SS18L1: variants seen among roughly 807,000 people sequenced by gnomAD.
SS18L1 encodes SS18L1 subunit of BAF chromatin remodeling complex, also known as calcium-responsive transactivator.
SS18L1 carries 32 observed loss-of-function variants against 70.3 expected under a neutral mutation model. The ratio of observed to expected loss-of-function variants is 0.46; its 90% CI spans 0.34 to 0.61. The LOEUF (loss-of-function observed/expected upper bound fraction) is 0.61, where lower values mean the gene tolerates loss of function less well. Ranked by LOEUF, SS18L1 falls within the 20% of genes least tolerant of loss-of-function variation. The pLI, the probability that SS18L1 is intolerant of heterozygous loss-of-function variation, is 0.01. For missense variants in SS18L1, 430 were observed against 542.1 expected, an observed-to-expected ratio of 0.79 and a Z score of 2.05; for synonymous variants, 237 against 229.7, an observed-to-expected ratio of 1.03 and a Z score of -0.29.
At chr20:62,178,343 G>C (rs1193504136) in intron 10 of SS18L1, among the ~76,000 whole-genome samples, 1 of 151,254 alleles carries the variant, frequency 6.6e-6, no homozygotes, top group Non-Finnish European at 1.5e-5. Flanking sequence ...AGTAGAGATG[G>C]GGTTTCACCA....
At chr20:62,154,121 C>T (rs945874165) in intron 1 of SS18L1, among the ~76,000 whole-genome samples, 5 of 152,176 alleles carry the variant, frequency 3.3e-5, no homozygotes, top group Admixed American at 2.6e-4. Context: ...GGGGAGCTGA[C>T]ATGGCAGCAG....
rs2057259123 is a variant in SS18L1 at position 62,158,262 on chromosome 20, T to G, written c.70-410T>G. Among the ~76,000 whole-genome samples, 1 of 152,076 alleles carries G rather than the reference T, an allele frequency of 6.6e-6. No individual in the cohort carries two copies. The highest frequency in any genetic ancestry group is 1.9e-4 in the East Asian group (1 of 5,170). On this transcript the variant is annotated intron_variant, in intron 1 of 10. Coordinates refer to ENST00000331758, the MANE Select transcript of SS18L1 (RefSeq NM_198935.3). This position sits in a 1 kb window ranked among gnomAD's most constrained non-coding sequence, Gnocchi z 4.5. ...GGCCTCTGTGTTTTCATTTGTGGGC[T>G]TAGATGGCCCTGCCGCTTACGGATG... is the stretch of plus-strand genomic sequence containing the variant.
intron 3 of SS18L1, 83 bp downstream of exon 3, chr20:62,160,044 TCAGG>T: frequency 7.2e-7 from 1 of 1,383,636 alleles, no homozygotes; most frequent in Non-Finnish European, 9.9e-7. Context: ...GCATGTCATC[TCAGG>T]TAGCAAAGAT....
intron 1 of SS18L1, among the ~76,000 whole-genome samples, chr20:62,150,548 A>G (rs1031038058): frequency 9.4e-5 from 14 of 148,982 alleles, no homozygotes; most frequent in African/African-American, 3.4e-4. Flanking sequence ...GACGGGGAAC[A>G]ATTTCAATGT....
In SS18L1 at chr20:62,150,633, A is replaced by ATTTTTTTTTTTTTTTT. The variant is rs34708339; in HGVS notation, c.69+6766_69+6781dup. 2.6e-4 allele frequency among the ~76,000 whole-genome samples: 15 copies of ATTTTTTTTTTTTTTTT among 58,054 alleles called. 4 individuals carry two copies. Among genetic ancestry groups the ATTTTTTTTTTTTTTTT allele is most frequent in the Admixed American group, 4.5e-4 (2 of 4,458 alleles). 38.1% of individuals were successfully genotyped at this position (58,054 alleles called of 152,430 possible). A position where few individuals can be genotyped will look rare whatever the true frequency, so the allele number is the denominator to read the frequency against. ...CGGAGCATAAGAAACATTGAGGTGG[A>ATTTTTTTTTTTTTTTT]TTTTTTTTTTTTTTTTTTTTTTTTT... On this transcript the variant is annotated intron_variant, in intron 1 of 10. Coordinates refer to ENST00000331758, the MANE Select transcript of SS18L1 (RefSeq NM_198935.3).
At chr20:62,152,832 G>GA (rs1463505556) in intron 1 of SS18L1, among the ~76,000 whole-genome samples, 1 of 152,100 alleles carries the variant, frequency 6.6e-6, no homozygotes, top group African/African-American at 2.4e-5. Context: ...AAGAAACTAC[G>GA]AATCGACAAC....
intron 1 of SS18L1, among the ~76,000 whole-genome samples, chr20:62,153,130 G>A (rs1210304763): frequency 1.3e-5 from 2 of 152,212 alleles, no homozygotes; most frequent in Admixed American, 1.3e-4. Flanking sequence ...CAAGGCGGCA[G>A]GAAGGAGAAG....
At chr20:62,171,313 A>C (rs953041579) in intron 8 of SS18L1, among the ~76,000 whole-genome samples, 4 of 152,202 alleles carry the variant, frequency 2.6e-5, no homozygotes, top group African/African-American at 9.7e-5. Flanking sequence ...CCCATGTCTC[A>C]GATGGCTTTC....
chr20:62,172,885 C>T, intron 9 of SS18L1, 84 bp downstream of exon 9: 1 of 1,574,286 alleles, frequency 6.4e-7, no homozygotes, highest in Non-Finnish European at 8.6e-7. Flanking sequence ...GTACCCCAGC[C>T]AGCAGAGCTA....
chr20:62,148,565 A>C (rs909049216), intron 1 of SS18L1, among the ~76,000 whole-genome samples: 20 of 150,350 alleles, frequency 1.3e-4, no homozygotes, highest in African/African-American at 4.6e-4. Context: ...TTGCTGTCTT[A>C]GGTGAGGGAG....
At chr20:62,147,875 C>A (rs542743502) in intron 1 of SS18L1, among the ~76,000 whole-genome samples, 19 of 152,234 alleles carry the variant, frequency 1.2e-4, no homozygotes, top group African/African-American at 3.9e-4. Context: ...AAGGGGCGCA[C>A]TTCTGGGTGG....
Position 62,179,379 on chromosome 20 carries a change from C to G in SS18L1, c.*171C>G. On this transcript the variant is annotated 3_prime_UTR_variant, in exon 11 of 11. Coordinates refer to ENST00000331758, the MANE Select transcript of SS18L1 (RefSeq NM_198935.3). Reference sequence around the variant, plus strand: ...TGGGTATGACGCCGAGCGCACACCACTGGCGTGAGACAGCGCTTGGTGGTG... The same window carrying G: ...TGGGTATGACGCCGAGCGCACACCAGTGGCGTGAGACAGCGCTTGGTGGTG... The G allele has an allele frequency of 1.4e-6, 1 of 697,472 alleles. No individual in the cohort carries two copies. Among genetic ancestry groups the G allele is most frequent in the Non-Finnish European group, 2.5e-6 (1 of 395,780 alleles). The allele number at this position is 697,472 out of a possible 1,614,324, so 43.2% of individuals were successfully genotyped here. A position where few individuals can be genotyped will look rare whatever the true frequency, so the allele number is the denominator to read the frequency against.
intron 5 of SS18L1, among the ~76,000 whole-genome samples, chr20:62,163,204 A>G (rs778398449): frequency 1.4e-4 from 22 of 152,098 alleles, no homozygotes; most frequent in Non-Finnish European, 2.9e-4. Context: ...AGTGGGGGCC[A>G]CTGGCCCTGG....
chr20:62,162,572 G>A (rs1381031203), intron 4 of SS18L1, 180 bp from the exon 5 acceptor site: 1 of 635,540 alleles, frequency 1.6e-6, no homozygotes. Flanking sequence ...CCAAAGTGCT[G>A]GGATTACAGG....
At position 62,163,444 on chromosome 20, in the gene SS18L1, G is replaced by A. The variant is rs766830689; in HGVS notation, c.557-14G>A. 1.9e-6 allele frequency: 3 copies of A among 1,611,796 alleles called. No individual in the cohort carries two copies. Among genetic ancestry groups the A allele is most frequent in the East Asian group, 4.5e-5 (2 of 44,856 alleles). ...CTTCCCGGGGTGATGTGGGGCCTCT[G>A]TCCTGTCGTTCAGTCTCCATGATGC... is the stretch of plus-strand genomic sequence containing the variant. On this transcript the variant is annotated splice_polypyrimidine_tract_variant and intron_variant, in intron 5 of 10. Coordinates refer to ENST00000331758, the MANE Select transcript of SS18L1 (RefSeq NM_198935.3).
Position 62,162,912 on chromosome 20 carries a change from C to T in SS18L1, c.537C>T (p.Ile179=). The change falls in exon 5 of 11, where the codon ATC becomes ATT. Residue 179 remains isoleucine (I), a synonymous_variant. Coordinates refer to ENST00000331758, the MANE Select transcript of SS18L1 (RefSeq NM_198935.3). ...GCAACTACGTGTCTCGGACCAACATCAACATGCAGTCCAACCCAGGTACCT... is the reference window on the plus strand; with the variant it reads ...GCAACTACGTGTCTCGGACCAACATTAACATGCAGTCCAACCCAGGTACCT... ...TIGNYVSRTN[I]NMQSNPVSMM... The T allele has an allele frequency of 6.2e-7, 1 of 1,612,796 alleles. No individual in the cohort carries two copies. Among genetic ancestry groups the T allele is most frequent in the African/African-American group, 1.3e-5 (1 of 74,976 alleles).
chr20:62,169,270 G>T (rs982701502), intron 8 of SS18L1, among the ~76,000 whole-genome samples: 1 of 151,532 alleles, frequency 6.6e-6, no homozygotes, highest in African/African-American at 2.4e-5. Flanking sequence ...AGAGGAGACT[G>T]TGCCCTTGCA....
In SS18L1 at chr20:62,165,511, G is replaced by C; in HGVS notation, c.913G>C (p.Gly305Arg). ...GGAGTCCACGCAGCACTACTATGAG[G>C]GGGGTAAGGAGCACGGCTGCGTGCT... ...FEESTQHYYE[G>R]GNSQYSQQQA... The change falls in exon 8 of 11, where the codon GGG (glycine) becomes CGG (arginine). Residue 305 changes from glycine (G) to arginine (R), a missense_variant. By Grantham distance (125) the Gly-to-Arg change is moderately radical. Coordinates refer to ENST00000331758, the MANE Select transcript of SS18L1 (RefSeq NM_198935.3). 1.2e-6 allele frequency: 2 copies of C among 1,611,398 alleles called. No individual in the cohort carries two copies. Among genetic ancestry groups the C allele is most frequent in the Non-Finnish European group, 1.7e-6 (2 of 1,179,172 alleles).
At position 62,158,576 on chromosome 20, in the gene SS18L1, A is replaced by G; in HGVS notation, c.70-96A>G. ...GACACGTTTCACGTAAGGGACGCTC[A>G]ACCTATATGAAAACTAGATGTGTAG... is the stretch of plus-strand genomic sequence containing the variant. On this transcript the variant is annotated intron_variant, in intron 1 of 10. Coordinates refer to ENST00000331758, the MANE Select transcript of SS18L1 (RefSeq NM_198935.3). The surrounding 1 kb of genome is among the most constrained non-coding windows in gnomAD (Gnocchi z 4.5). 6.6e-7 allele frequency: 1 copy of G among 1,526,250 alleles called. No homozygotes were observed. The highest frequency in any genetic ancestry group is 2.4e-5 in the East Asian group (1 of 41,404). The allele number at this position is 1,526,250 out of a possible 1,614,324, so 94.5% of individuals were successfully genotyped here. A position where few individuals can be genotyped will look rare whatever the true frequency, so the allele number is the denominator to read the frequency against.
Sources: gnomAD v4.1 joint callset for allele counts (sites outside exome capture counted in the v4.1 genomes callset) on GRCh38, gnomAD v4.1.1 for gene constraint, Gnocchi (gnomAD v3.1) non-coding constraint, MANE v1.5 for transcripts, NCBI Gene and HGNC (gene_info 2026-07-23, HGNC 2026-07-21) for gene names.